The following C2orf15 variants were observed in gnomAD, a reference collection of about 807,000 sequenced individuals.
The protein encoded by C2orf15 is uncharacterized protein C2orf15.
In C2orf15, 3 loss-of-function variants were observed where a neutral mutation model predicts 4.4. That is an observed-to-expected ratio of 0.67 (90% CI 0.31 to 1.74). The LOEUF (loss-of-function observed/expected upper bound fraction) is 1.74. Among genes scored for constraint, C2orf15 ranks in the 40% most tolerant of loss-of-function variants. The pLI is 0.09. For synonymous variants in C2orf15, 37 were observed against 36.8 expected, an observed-to-expected ratio of 1.00 and a Z score of -0.02; for missense variants, 90 against 103.3, an observed-to-expected ratio of 0.87 and a Z score of 0.56.
At chr2:99,144,385 G>A (rs2093610453) in intron 2 of C2orf15, among the ~76,000 whole-genome samples, 2 of 150,950 alleles carry the variant, frequency 1.3e-5, no homozygotes, top group Admixed American at 6.6e-5. Flanking sequence ...TCCAGGCAAT[G>A]TCCATTCATA....
At chr2:99,149,690 C>T (rs1424067973) in intron 3 of C2orf15, among the ~76,000 whole-genome samples, 2 of 151,818 alleles carry the variant, frequency 1.3e-5, no homozygotes, top group African/African-American at 4.8e-5. Context: ...GATCCACCCA[C>T]CTCAGCCTCC....
intron 2 of C2orf15, among the ~76,000 whole-genome samples, chr2:99,143,525 C>T (rs1016067176): frequency 2.0e-5 from 3 of 150,736 alleles, no homozygotes; most frequent in African/African-American, 7.3e-5. Context: ...GGCTGGAGTG[C>T]GTTGGCATGA....
At chr2:99,150,460 G>A (rs185674967) in intron 3 of C2orf15, 23 bp from the exon 4 acceptor site, 2 of 1,256,128 alleles carry the variant, frequency 1.6e-6, no homozygotes, top group Non-Finnish European at 2.2e-6. Flanking sequence ...GCATTCACTT[G>A]TTACTTTTTT....
chr2:99,144,172 C>A (rs1175301705), intron 2 of C2orf15, among the ~76,000 whole-genome samples: 1 of 152,130 alleles, frequency 6.6e-6, no homozygotes, highest in Non-Finnish European at 1.5e-5. Flanking sequence ...AGGCGCCCAC[C>A]ACCACGCCCG....
chr2:99,147,161 G>A (rs1030163989), intron 2 of C2orf15: 9 of 300,296 alleles, frequency 3.0e-5, no homozygotes, highest in African/African-American at 4.3e-5. Context: ...ATATCTTTTT[G>A]TTTTTTTTAA....
chr2:99,149,396 T>A (rs2093665391), intron 3 of C2orf15, among the ~76,000 whole-genome samples: 1 of 150,242 alleles, frequency 6.7e-6, no homozygotes, highest in African/African-American at 2.4e-5. Flanking sequence ...TAGGCTCCCC[T>A]CCTTTGGGAA....
At chr2:99,147,355 ATTGAT>A (rs2093642777) in intron 2 of C2orf15, 42 bp from the exon 3 acceptor site, 9 of 1,041,372 alleles carry the variant, frequency 8.6e-6, no homozygotes, top group Non-Finnish European at 1.2e-5. Context: ...TTTTCTCCAG[ATTGAT>A]TTATCTCTTT....
rs1389376198 is a variant in C2orf15 at position 99,147,450 on chromosome 2, T to C, written c.-120T>C. 1 of 1,613,686 alleles carries C rather than the reference T, an allele frequency of 6.2e-7. No individual in the cohort carries two copies. The highest frequency in any genetic ancestry group is 1.3e-5 in the African/African-American group (1 of 74,914). ...AATGCCAGTCCAAAGAGGCCCCCAA[T>C]AGACTTGTTCACCCTTCATGTCCTC... is the stretch of plus-strand genomic sequence containing the variant. On this transcript the variant is annotated 5_prime_UTR_variant, in exon 3 of 4. An upstream open reading frame in the 5' UTR loses its in-frame stop. Coordinates refer to ENST00000650052, the MANE Select transcript of C2orf15 (RefSeq NM_144706.4).
chr2:99,148,777 C>A (rs967224725), intron 3 of C2orf15, among the ~76,000 whole-genome samples: 2 of 152,000 alleles, frequency 1.3e-5, no homozygotes, highest in Non-Finnish European at 2.9e-5. Context: ...TCAAGACCAG[C>A]CTGGTCAACA....
chr2:99,145,578 C>T (rs551301141), intron 2 of C2orf15, among the ~76,000 whole-genome samples: 14 of 145,180 alleles, frequency 9.6e-5, no homozygotes, highest in East Asian at 8.4e-4. Context: ...AAAAAAAAGA[C>T]CCTTGTGATT....
Position 99,150,726 on chromosome 2 carries a change from C to T in C2orf15, c.168C>T (p.Asn56=). The stretch of plus-strand genomic sequence containing the variant: ...GATTAGAAGACACAAATCAAGAAAA[C>T]TTTACAAGGATTGAAGGGACTGGCA... ...KIRLEDTNQE[N]FTRIEGTGTG... is the part of the protein sequence containing the mutation. Residue 56 remains asparagine (N), a synonymous_variant, in exon 4 of 4, where the codon AAC becomes AAT. Transcript: ENST00000650052. 4 of 1,613,936 alleles carry T rather than the reference C, an allele frequency of 2.5e-6. No homozygotes were observed. The highest frequency in any genetic ancestry group is 3.4e-6 in the Non-Finnish European group (4 of 1,179,954).
intron 2 of C2orf15, among the ~76,000 whole-genome samples, chr2:99,144,960 C>T (rs983863392): frequency 2.6e-5 from 4 of 152,154 alleles, no homozygotes; most frequent in African/African-American, 4.8e-5. Context: ...TTGTTTGCTA[C>T]GGCTGTGCAA....
intron 2 of C2orf15, among the ~76,000 whole-genome samples, chr2:99,143,133 C>T (rs962455404): frequency 3.7e-5 from 3 of 82,154 alleles, no homozygotes; most frequent in Non-Finnish European, 6.9e-5. Context: ...CCAACTAAAC[C>T]TTTTTTTTTT....
chr2:99,143,017 CT>C (rs976321187), intron 2 of C2orf15, among the ~76,000 whole-genome samples: 2 of 151,458 alleles, frequency 1.3e-5, no homozygotes, highest in African/African-American at 2.4e-5. Context: ...AAAGATTTTC[CT>C]TTTTTTTCCT....
chr2:99,142,189 A>G (rs114951816), intron 1 of C2orf15, 96 bp from the exon 2 acceptor site: 1 of 152,246 alleles, frequency 6.6e-6, no homozygotes, highest in Admixed American at 6.5e-5. Flanking sequence ...GGGGGAAAAA[A>G]GTCTTCTTAA....
chr2:99,147,268 T>C, intron 2 of C2orf15, 134 bp from the exon 3 acceptor site: 1 of 490,590 alleles, frequency 2.0e-6, no homozygotes, highest in East Asian at 3.1e-5. Context: ...CCCAAAGTGC[T>C]GGAATTACAG....
chr2:99,144,178 G>A lies in C2orf15; in HGVS notation c.-169+1777G>A, dbSNP rs552737121. Among the ~76,000 whole-genome samples, 14 of 151,984 alleles carry A rather than the reference G, an allele frequency of 9.2e-5. No homozygotes were observed. The South Asian group carries it at 2.5e-3, about 27-fold the overall frequency. On this transcript the variant is annotated intron_variant, in intron 2 of 3. Coordinates refer to ENST00000650052, the MANE Select transcript of C2orf15 (RefSeq NM_144706.4). ...TGGGACTACAGGCGCCCACCACCAC[G>A]CCCGGCTAATTTTTTTGTATTTTTA... is the stretch of plus-strand genomic sequence containing the variant.
chr2:99,147,362 T>TA, intron 2 of C2orf15, 40 bp from the exon 3 acceptor site: 1 of 1,087,278 alleles, frequency 9.2e-7, no homozygotes, highest in Non-Finnish European at 1.4e-6. Context: ...CAGATTGATT[T>TA]ATCTCTTTAT....
rs1280529582 is a variant in C2orf15 at position 99,150,874 on chromosome 2, T to G, written c.*40T>G. 1 of 1,359,120 alleles carries G rather than the reference T, an allele frequency of 7.4e-7. No individual in the cohort carries two copies. Among genetic ancestry groups the G allele is most frequent in the East Asian group, 2.3e-5 (1 of 43,482 alleles). The allele number at this position is 1,359,120 out of a possible 1,614,324, so 84.2% of individuals were successfully genotyped here. ...ATTACCAAAGAAACCAAAAACTGCC[T>G]TTGACTAAGGGGGGTGTTGAAAGAG... On this transcript the variant is annotated 3_prime_UTR_variant, in exon 4 of 4. Transcript: ENST00000650052.
Sources: allele counts gnomAD v4.1 joint callset (sites outside exome capture counted in the v4.1 genomes callset), GRCh38; gene constraint gnomAD v4.1.1; transcripts MANE v1.5; gene names NCBI Gene and HGNC (gene_info 2026-07-23, HGNC 2026-07-21).